The following VWA8 variants were observed in gnomAD, a reference collection of about 807,000 sequenced individuals.
VWA8 encodes von Willebrand factor A domain-containing protein 8.
In VWA8, 221 loss-of-function variants were observed where a neutral mutation model predicts 241.5. That is an observed-to-expected ratio of 0.91 (90% confidence interval 0.82 to 1.02). The LOEUF (loss-of-function observed/expected upper bound fraction) is 1.02, where lower values mean the gene tolerates loss of function less well. Among genes scored for constraint, VWA8 ranks in the 50% least tolerant of loss-of-function variants. VWA8 has a pLI of 0.00. For synonymous variants in VWA8, 852 were observed against 827.1 expected, an observed-to-expected ratio of 1.03 and a Z score of -0.52; for missense variants, 2,322 against 2,328.7, an observed-to-expected ratio of 1.00 and a Z score of 0.06.
At chr13:41,678,693 T>TC (rs1555317957) in intron 35 of VWA8, among the ~76,000 whole-genome samples, 4 of 152,246 alleles carry the variant, frequency 2.6e-5, no homozygotes, top group Non-Finnish European at 5.9e-5. Flanking sequence ...ATCTTTTTTT[T>TC]CCCATATCTT....
intron 17 of VWA8, among the ~76,000 whole-genome samples, chr13:41,798,782 T>G (rs1224033907): frequency 6.6e-6 from 1 of 152,156 alleles, no homozygotes; most frequent in African/African-American, 2.4e-5. Context: ...TATGTTGGAT[T>G]TTCTTATCTT....
chr13:41,942,579 C>T (rs1877652224), intron 2 of VWA8, among the ~76,000 whole-genome samples: 1 of 152,178 alleles, frequency 6.6e-6, no homozygotes, highest in South Asian at 2.1e-4. Context: ...CCGAGAAGTC[C>T]TAGCCACATA....
At chr13:41,614,941 G>GA in intron 38 of VWA8, 35 bp downstream of exon 38, 2 of 1,608,232 alleles carry the variant, frequency 1.2e-6, no homozygotes, top group African/African-American at 2.7e-5. Context: ...GAAACCTGGG[G>GA]AAGGCTGACT....
chr13:41,753,528 G>A (rs1330710867), intron 21 of VWA8, among the ~76,000 whole-genome samples: 1 of 152,108 alleles, frequency 6.6e-6, no homozygotes, highest in Non-Finnish European at 1.5e-5. Context: ...TGTTTTAAAT[G>A]TATACTTTCA....
rs756581327 is a variant in VWA8, at chr13:41,605,190, C to T, written c.4964G>A (p.Arg1655Gln). The T allele has an allele frequency of 1.2e-5, 19 of 1,612,888 alleles. No homozygotes were observed. The highest frequency in any genetic ancestry group is 2.7e-5 in the African/African-American group (2 of 74,822). The change falls in exon 40 of 45, where the codon CGA (arginine) becomes CAA (glutamine). Residue 1655 changes from arginine (R) to glutamine (Q), a missense_variant. By Grantham distance (43) the Arg-to-Gln change is conservative (BLOSUM62 1). Transcript: ENST00000379310. ...TACCTGTAAATTATCCAGGATGATT[C>T]GGAGGGAGTGCACCTGTCGCCGAAC... ...GAVRRQVHSL[R>Q]IILDNLQAKG...
intron 20 of VWA8, among the ~76,000 whole-genome samples, chr13:41,769,913 C>T (rs867787902): frequency 3.3e-5 from 5 of 151,982 alleles, no homozygotes; most frequent in Admixed American, 6.6e-5. Context: ...AAATCAAACA[C>T]GGATCACAAC....
At chr13:41,690,857 T>C (rs542238648) in intron 32 of VWA8, among the ~76,000 whole-genome samples, 1 of 152,036 alleles carries the variant, frequency 6.6e-6, no homozygotes, top group South Asian at 2.1e-4. Flanking sequence ...GTCCAATGGG[T>C]CAGATAACAT....
chr13:41,696,878 G>T (rs2045218664), intron 29 of VWA8, among the ~76,000 whole-genome samples: 1 of 152,082 alleles, frequency 6.6e-6, no homozygotes, highest in South Asian at 2.1e-4. Flanking sequence ...ACTGCCCCAA[G>T]GCTTAGTGTT....
At chr13:41,786,853 T>A (rs1869213166) in intron 18 of VWA8, among the ~76,000 whole-genome samples, 1 of 151,954 alleles carries the variant, frequency 6.6e-6, no homozygotes, top group Admixed American at 6.6e-5. Context: ...GTGTTCTAAT[T>A]GAAGAATAGA....
At position 41,593,413 on chromosome 13, in the gene VWA8, T is replaced by A. The variant is rs2044468545; in HGVS notation, c.4987-2648A>T. 2.0e-5 allele frequency among the ~76,000 whole-genome samples: 3 copies of A among 152,188 alleles called. No individual in the cohort carries two copies. The South Asian group carries it at 6.2e-4, about 31-fold the overall frequency. ...GGGTCACTCTGGAGCATAGCTATCATGTAAAACTTGATCAGATACCCAGCT... is the reference window on the plus strand; with the variant it reads ...GGGTCACTCTGGAGCATAGCTATCAAGTAAAACTTGATCAGATACCCAGCT... On this transcript the variant is annotated intron_variant, in intron 40 of 44. Coordinates refer to ENST00000379310, the MANE Select transcript of VWA8 (RefSeq NM_015058.2).
intron 29 of VWA8, among the ~76,000 whole-genome samples, chr13:41,694,314 C>T (rs984933584): frequency 2.6e-5 from 4 of 152,020 alleles, no homozygotes; most frequent in African/African-American, 4.8e-5. Flanking sequence ...ATATAACTCA[C>T]TTCACACCAT....
In VWA8 at chr13:41,566,888, G is replaced by A. The variant is rs1454424216; in HGVS notation, c.*1309C>T. 1.3e-5 allele frequency: 2 copies of A among 151,990 alleles called. No individual in the cohort carries two copies. Among genetic ancestry groups the A allele is most frequent in the Non-Finnish European group, 2.9e-5 (2 of 67,988 alleles). 9.4% of individuals were successfully genotyped at this position (151,990 alleles called of 1,614,324 possible). A position where few individuals can be genotyped will look rare whatever the true frequency, so the allele number is the denominator to read the frequency against. On this transcript the variant is annotated 3_prime_UTR_variant, in exon 45 of 45. Coordinates refer to ENST00000379310, the MANE Select transcript of VWA8 (RefSeq NM_015058.2). ...ATTTGATAGTTAATGATAGGGAGAG[G>A]GGTGATAGAACAAATGGGTATTATC... is the stretch of plus-strand genomic sequence containing the variant.
intron 12 of VWA8, among the ~76,000 whole-genome samples, chr13:41,853,967 A>G (rs1045930674): frequency 1.2e-4 from 18 of 151,904 alleles, no homozygotes; most frequent in Non-Finnish European, 4.4e-5. Flanking sequence ...CAATTCCAAG[A>G]TATACATGTT....
chr13:41,770,249 G>A (rs1367964507), intron 20 of VWA8, among the ~76,000 whole-genome samples: 4 of 151,786 alleles, frequency 2.6e-5, no homozygotes, highest in Non-Finnish European at 5.9e-5. Flanking sequence ...AGACCATCCT[G>A]GCTAACACGA....
intron 37 of VWA8, among the ~76,000 whole-genome samples, chr13:41,662,110 GGTTCATTTA>G (rs2044953858): frequency 6.6e-6 from 1 of 151,886 alleles, no homozygotes; most frequent in African/African-American, 2.4e-5. Flanking sequence ...AAATTATTTT[GGTTCATTTA>G]GTTCATTTAT....
chr13:41,804,335 A>C (rs1057253007), intron 17 of VWA8, among the ~76,000 whole-genome samples: 2 of 152,188 alleles, frequency 1.3e-5, no homozygotes, highest in African/African-American at 4.8e-5. Flanking sequence ...GAAACTTTAC[A>C]GGCCAGTAGA....
At chr13:41,762,210 T>C (rs1442918011) in intron 20 of VWA8, among the ~76,000 whole-genome samples, 1 of 152,142 alleles carries the variant, frequency 6.6e-6, no homozygotes, top group Non-Finnish European at 1.5e-5. Context: ...TGTGAAATGC[T>C]TCTGGTCCCA....
intron 5 of VWA8, among the ~76,000 whole-genome samples, chr13:41,890,043 CTGATTA>C (rs755689282): frequency 2.0e-5 from 3 of 152,194 alleles, no homozygotes; most frequent in Non-Finnish European, 2.9e-5. Flanking sequence ...TTATCTCCTT[CTGATTA>C]TATCAGAACA....
At position 41,721,368 on chromosome 13, in the gene VWA8, A is replaced by G. The variant is rs767486594; in HGVS notation, c.2964+2T>C. 1 of 1,613,568 alleles carries G rather than the reference A, an allele frequency of 6.2e-7. No homozygotes were observed. Among genetic ancestry groups the G allele is most frequent in the Non-Finnish European group, 8.5e-7 (1 of 1,179,688 alleles). ...TTAGGTACAGGTGTGTGCCATACCTACCTGTAAATGTTTGACTATGTTGAC... is the reference window on the plus strand; with the variant it reads ...TTAGGTACAGGTGTGTGCCATACCTGCCTGTAAATGTTTGACTATGTTGAC... On this transcript the variant is annotated splice_donor_variant, in intron 25 of 44. Coordinates refer to ENST00000379310, the MANE Select transcript of VWA8 (RefSeq NM_015058.2). LOFTEE classifies it high-confidence loss of function.
Sources: allele counts gnomAD v4.1 joint callset (sites outside exome capture counted in the v4.1 genomes callset), GRCh38; gene constraint gnomAD v4.1.1; transcripts MANE v1.5; gene names NCBI Gene and HGNC (gene_info 2026-07-23, HGNC 2026-07-21).